The following CD48 variants were observed in gnomAD, a reference collection of about 807,000 sequenced individuals.
CD48 encodes the protein CD48 molecule.
Under a neutral mutation model 22.0 loss-of-function variants are expected in CD48, and 20 were observed. That is an observed-to-expected ratio of 0.91 (90% CI 0.64 to 1.32). The LOEUF is 1.32. Among genes scored for constraint, CD48 ranks in the 40% most tolerant of loss-of-function variants. The pLI is 0.00. For missense variants in CD48, 307 were observed against 286.5 expected, an observed-to-expected ratio of 1.07 and a Z score of -0.52; for synonymous variants, 110 against 110.1, an observed-to-expected ratio of 1.00 and a Z score of 0.01.
At chr1:160,689,998 C>A (rs1052823817) in intron 1 of CD48, among the ~76,000 whole-genome samples, 3 of 152,094 alleles carry the variant, frequency 2.0e-5, no homozygotes, top group Non-Finnish European at 4.4e-5. Context: ...GTAAATAATG[C>A]CAAATGTAAT....
chr1:160,708,667 A>T (rs191786078), intron 1 of CD48, among the ~76,000 whole-genome samples: 119 of 152,260 alleles, frequency 7.8e-4, no homozygotes, highest in African/African-American at 2.7e-3. Flanking sequence ...ACAAGTGGAG[A>T]TGTCATTTAT....
At chr1:160,711,588 C>G in intron 1 of CD48, 94 bp downstream of exon 1, 1 of 926,842 alleles carries the variant, frequency 1.1e-6, no homozygotes. Context: ...GACACCAGAT[C>G]TGGCTTCTAG....
chr1:160,678,917 C>G lies in CD48; in HGVS notation c.*135G>C. Reference sequence around the variant, plus strand: ...ATAATAACCAGTATTTAAAAGTTAACTTGAAAATCCTCGTTGATAATTCAG... The same window carrying G: ...ATAATAACCAGTATTTAAAAGTTAAGTTGAAAATCCTCGTTGATAATTCAG... On this transcript the variant is annotated 3_prime_UTR_variant, in exon 4 of 4. Transcript: ENST00000368046. 2 of 647,890 alleles carry G rather than the reference C, an allele frequency of 3.1e-6. No homozygotes were observed. The highest frequency in any genetic ancestry group is 5.5e-6 in the Non-Finnish European group (2 of 361,386). 40.1% of individuals were successfully genotyped at this position (647,890 alleles called of 1,614,324 possible).
chr1:160,689,975 T>A (rs1475714248), intron 1 of CD48, among the ~76,000 whole-genome samples: 1 of 152,224 alleles, frequency 6.6e-6, no homozygotes, highest in Non-Finnish European at 1.5e-5. Context: ...TAGGAACATT[T>A]AAAAAATTTA....
chr1:160,679,116 A>T lies in CD48; in HGVS notation c.668T>A (p.Val223Glu), dbSNP rs993919352. The T allele has an allele frequency of 1.9e-6, 3 of 1,613,956 alleles. No individual in the cohort carries two copies. Among genetic ancestry groups the T allele is most frequent in the Non-Finnish European group, 2.5e-6 (3 of 1,179,970 alleles). Residue 223 changes from valine (V) to glutamate (E), a missense_variant, in exon 4 of 4, where the codon GTA becomes GAA. Val to Glu is a moderately radical substitution (Grantham distance 121, BLOSUM62 -2). Coordinates refer to ENST00000368046, the MANE Select transcript of CD48 (RefSeq NM_001778.4). The part of the protein sequence containing the change: ...PPCTLARSFG[V>E]EWIASWLVVT... ...CACTAGCCAACTTGCAATCCATTCT[A>T]CTCCAAAGGACCGGGCTGAAAGAGC...
At chr1:160,698,872 T>A (rs1040819785) in intron 1 of CD48, 1 of 152,660 alleles carries the variant, frequency 6.6e-6, no homozygotes, top group Non-Finnish European at 1.5e-5. Flanking sequence ...ATCTTAACCC[T>A]GTCACTTGGA....
intron 1 of CD48, among the ~76,000 whole-genome samples, chr1:160,694,962 C>T (rs918039114): frequency 6.6e-6 from 1 of 152,246 alleles, no homozygotes; most frequent in African/African-American, 2.4e-5. Flanking sequence ...AGAAATCCAG[C>T]AAATGGCGTA....
intron 1 of CD48, among the ~76,000 whole-genome samples, chr1:160,689,617 C>T (rs1243432990): frequency 6.6e-6 from 1 of 152,160 alleles, no homozygotes; most frequent in African/African-American, 2.4e-5. Flanking sequence ...GATGGGTCTC[C>T]ACTGCCATCA....
intron 1 of CD48, among the ~76,000 whole-genome samples, chr1:160,689,924 G>A (rs1340721769): frequency 6.6e-6 from 1 of 152,108 alleles, no homozygotes; most frequent in East Asian, 1.9e-4. Context: ...AAAATTTTTT[G>A]CCTGTATAAT....
At chr1:160,684,773 C>T in intron 2 of CD48, 114 bp downstream of exon 2, 1 of 1,612,228 alleles carries the variant, frequency 6.2e-7, no homozygotes, top group Non-Finnish European at 8.5e-7. Context: ...CAAACCTGTC[C>T]TGAGGTTTTT....
At chr1:160,683,053 T>C (rs1661865025) in intron 2 of CD48, among the ~76,000 whole-genome samples, 1 of 152,252 alleles carries the variant, frequency 6.6e-6, no homozygotes, top group Admixed American at 6.5e-5. Context: ...TCTGTGAAGC[T>C]GATCTCAGAT....
chr1:160,679,205 C>T, intron 3 of CD48, 74 bp from the exon 4 acceptor site: 1 of 1,150,140 alleles, frequency 8.7e-7, no homozygotes, highest in Non-Finnish European at 1.3e-6. Context: ...GGCAAGTGTA[C>T]TGGACACTGG....
intron 1 of CD48, among the ~76,000 whole-genome samples, chr1:160,695,836 A>G (rs1662398992): frequency 6.6e-6 from 1 of 152,180 alleles, no homozygotes; most frequent in African/African-American, 2.4e-5. Context: ...TAAGACTTTT[A>G]CATTGTACTT....
chr1:160,693,647 A>G (rs957754307), intron 1 of CD48, among the ~76,000 whole-genome samples: 1 of 152,302 alleles, frequency 6.6e-6, no homozygotes, highest in Non-Finnish European at 1.5e-5. Flanking sequence ...AAGATGTAAA[A>G]AAGGAAAACA....
chr1:160,681,059 C>A, intron 3 of CD48, 143 bp downstream of exon 3: 2 of 1,512,340 alleles, frequency 1.3e-6, no homozygotes, highest in South Asian at 1.2e-5. Flanking sequence ...GGTGGCAGAA[C>A]CCACGTCTCC....
intron 1 of CD48, among the ~76,000 whole-genome samples, chr1:160,700,341 G>C (rs776200337): frequency 2.0e-5 from 3 of 152,188 alleles, no homozygotes; most frequent in Non-Finnish European, 4.4e-5. Context: ...CTTGAACTTT[G>C]AGCCAATTTA....
chr1:160,689,842 T>G lies in CD48; in HGVS notation c.83-4653A>C, dbSNP rs759078333. 5.9e-5 allele frequency among the ~76,000 whole-genome samples: 9 copies of G among 152,316 alleles called. No homozygotes were observed. In the South Asian group the frequency reaches 8.3e-4, roughly 14 times the overall value. ...ACACAAGCATATCCTCTTCCCTACG[T>G]TATAATTGTGCCAGGTTCCTAGGTA... On this transcript the variant is annotated intron_variant, in intron 1 of 3. Transcript: ENST00000368046.
chr1:160,691,191 A>T (rs1662201972), intron 1 of CD48, among the ~76,000 whole-genome samples: 1 of 152,066 alleles, frequency 6.6e-6, no homozygotes, highest in African/African-American at 2.4e-5. Context: ...ACCGTCCCCC[A>T]GCCCGACACC....
chr1:160,684,124 T>C (rs1661905557), intron 2 of CD48: 1 of 152,258 alleles, frequency 6.6e-6, no homozygotes, highest in Non-Finnish European at 1.5e-5. Flanking sequence ...TTCCTGAAGC[T>C]AGGGGTTCTG....
Sources: allele counts gnomAD v4.1 joint callset (sites outside exome capture counted in the v4.1 genomes callset), GRCh38; gene constraint gnomAD v4.1.1; transcripts MANE v1.5; gene names NCBI Gene and HGNC (gene_info 2026-07-23, HGNC 2026-07-21).